The following GRIK1 variants were observed in gnomAD, a reference collection of about 807,000 sequenced individuals.
The protein encoded by GRIK1 is glutamate ionotropic receptor kainate type subunit 1.
GRIK1 carries 69 observed loss-of-function variants against 105.7 expected under a neutral mutation model. The observed-to-expected ratio is 0.65, with a 90% confidence interval of 0.54 to 0.80. The LOEUF is 0.80. Ranked by LOEUF, GRIK1 falls within the 30% of genes least tolerant of loss-of-function variation. The probability of loss-of-function intolerance (pLI) is 0.00; values close to 1 mark genes in which losing one functional copy is unlikely to be tolerated. For missense variants in GRIK1, 1,109 were observed against 1,167.3 expected (o/e 0.95, Z 0.73); for synonymous variants, 438 against 431.3 (o/e 1.02, Z -0.19).
intron 15 of GRIK1, among the ~76,000 whole-genome samples, chr21:29,560,364 T>TCTCTTTCTTC (rs2090394693): frequency 2.8e-5 from 1 of 35,886 alleles, no homozygotes; most frequent in African/African-American, 1.3e-4. Flanking sequence ...TCTTTTTCTT[T>TCTCTTTCTTC]CTTCCTTCCT....
At chr21:29,624,986 G>A (rs2062090834) in intron 7 of GRIK1, among the ~76,000 whole-genome samples, 1 of 152,228 alleles carries the variant, frequency 6.6e-6, no homozygotes, top group South Asian at 2.1e-4. Flanking sequence ...TCCTCAGGGT[G>A]AGCTCATAGC....
At chr21:29,854,567 A>G (rs1442989000) in intron 1 of GRIK1, among the ~76,000 whole-genome samples, 3 of 152,210 alleles carry the variant, frequency 2.0e-5, no homozygotes, top group Non-Finnish European at 4.4e-5. Context: ...AATGAGGTAG[A>G]CAAAATTCCC....
chr21:29,750,807 G>A (rs2065177254), intron 1 of GRIK1, among the ~76,000 whole-genome samples: 1 of 152,186 alleles, frequency 6.6e-6, no homozygotes, highest in South Asian at 2.1e-4. Flanking sequence ...TCAAATTGAT[G>A]TATCTAATAA....
At chr21:29,684,295 T>A (rs1300768306) in intron 3 of GRIK1, among the ~76,000 whole-genome samples, 1 of 143,126 alleles carries the variant, frequency 7.0e-6, no homozygotes, top group African/African-American at 2.6e-5. Flanking sequence ...TCTATCTATC[T>A]ATCATCTATC....
At chr21:29,937,793 G>A (rs2071818795) in intron 1 of GRIK1, among the ~76,000 whole-genome samples, 1 of 79,110 alleles carries the variant, frequency 1.3e-5, no homozygotes, top group African/African-American at 3.8e-5. Context: ...GTATTGTTCA[G>A]AATATTTTTT....
chr21:29,647,916 T>C (rs2062651760), intron 6 of GRIK1, among the ~76,000 whole-genome samples: 1 of 152,252 alleles, frequency 6.6e-6, no homozygotes. Context: ...TCTTAGTAAC[T>C]TAATTTTAAC....
intron 1 of GRIK1, among the ~76,000 whole-genome samples, chr21:29,902,993 C>T (rs1359775006): frequency 6.6e-6 from 1 of 152,098 alleles, no homozygotes; most frequent in African/African-American, 2.4e-5. Context: ...ATACAACCAT[C>T]TGATCTTTGA....
At chr21:29,816,036 C>T (rs2067146361) in intron 1 of GRIK1, among the ~76,000 whole-genome samples, 1 of 151,994 alleles carries the variant, frequency 6.6e-6, no homozygotes. Flanking sequence ...AAAATACCTG[C>T]CAACTATTCA....
intron 1 of GRIK1, among the ~76,000 whole-genome samples, chr21:29,837,050 T>G (rs1424002263): frequency 6.6e-6 from 1 of 152,218 alleles, no homozygotes; most frequent in Non-Finnish European, 1.5e-5. Context: ...TACACCCTGA[T>G]GCAGTCTTCA....
intron 1 of GRIK1, among the ~76,000 whole-genome samples, chr21:29,839,730 G>A (rs982866406): frequency 3.9e-5 from 6 of 152,038 alleles, no homozygotes; most frequent in African/African-American, 1.5e-4. Context: ...TGTGGGTTTT[G>A]CAGTTCTAGA....
intron 7 of GRIK1, among the ~76,000 whole-genome samples, chr21:29,599,635 T>C (rs1476293231): frequency 6.6e-6 from 1 of 152,166 alleles, no homozygotes. Context: ...TTTCTCCTTC[T>C]CTTGTGGTTG....
At chr21:29,918,249 T>C (rs1430575110) in intron 1 of GRIK1, among the ~76,000 whole-genome samples, 1 of 152,114 alleles carries the variant, frequency 6.6e-6, no homozygotes, top group East Asian at 1.9e-4. Context: ...AATGAAGTAA[T>C]AGTAACATTA....
At position 29,818,834 on chromosome 21, in the gene GRIK1, C is replaced by T. The variant is rs192232506; in HGVS notation, c.118+120549G>A. Among the ~76,000 whole-genome samples the T allele has an allele frequency of 3.1e-3, 466 of 151,704 alleles. 4 individuals are homozygous for T. Among genetic ancestry groups the T allele is most frequent in the Non-Finnish European group, 2.5e-3 (168 of 67,850 alleles). On this transcript the variant is annotated intron_variant, in intron 1 of 17. Coordinates refer to ENST00000327783, the MANE Select transcript of GRIK1 (RefSeq NM_001330994.2). ...AGGTCACAGTTAGGATGAATCTGAC[C>T]TCATCTTAATTCTGTGTCTTCACTA... is the stretch of plus-strand genomic sequence containing the variant.
chr21:29,918,965 G>C (rs757079469), intron 1 of GRIK1, among the ~76,000 whole-genome samples: 1 of 151,834 alleles, frequency 6.6e-6, no homozygotes, highest in African/African-American at 2.4e-5. Context: ...CAGGCGAAGG[G>C]GAAGGCAAGG....
At chr21:29,683,932 T>C (rs900935540) in intron 3 of GRIK1, among the ~76,000 whole-genome samples, 1 of 152,158 alleles carries the variant, frequency 6.6e-6, no homozygotes, top group Non-Finnish European at 1.5e-5. Context: ...TGAAATGCTC[T>C]CCCCCAGGTA....
At chr21:29,651,777 A>G (rs958595151) in intron 5 of GRIK1, among the ~76,000 whole-genome samples, 5 of 151,928 alleles carry the variant, frequency 3.3e-5, no homozygotes, top group Admixed American at 3.3e-4. Context: ...AACATAATCT[A>G]TATGGGGTTT....
Position 29,599,089 on chromosome 21 carries a change from T to C in GRIK1, c.1099-152A>G. Reference sequence around the variant, plus strand: ...CCATTGCATTGGTTCAGCGACAAGATAGCAGAACACATCGTCTTTTTATTA... The same window carrying C: ...CCATTGCATTGGTTCAGCGACAAGACAGCAGAACACATCGTCTTTTTATTA... On this transcript the variant is annotated intron_variant, in intron 7 of 17. Transcript: ENST00000327783. The C allele has an allele frequency of 9.5e-6, 5 of 525,750 alleles. No individual in the cohort carries two copies. The South Asian group carries it at 1.2e-4, about 13-fold the overall frequency. The allele number at this position is 525,750 out of a possible 1,614,324, so 32.6% of individuals were successfully genotyped here.
intron 12 of GRIK1, among the ~76,000 whole-genome samples, chr21:29,584,074 G>T (rs977675660): frequency 6.6e-6 from 1 of 152,146 alleles, no homozygotes; most frequent in African/African-American, 2.4e-5. Flanking sequence ...AAATGTGAAA[G>T]TTCACTTTGG....
intron 14 of GRIK1, 44 bp from the exon 15 acceptor site, chr21:29,561,893 A>G (rs2090490342): frequency 2.7e-6 from 3 of 1,128,342 alleles, no homozygotes; most frequent in South Asian, 1.3e-5. Context: ...GAGGGCTGGA[A>G]AAATACGACC....
Sources: allele counts gnomAD v4.1 joint callset (sites outside exome capture counted in the v4.1 genomes callset), GRCh38; gene constraint gnomAD v4.1.1; transcripts MANE v1.5; gene names NCBI Gene and HGNC (gene_info 2026-07-23, HGNC 2026-07-21).